The following AP3B2 variants were observed in gnomAD, a reference collection of about 807,000 sequenced individuals.
The protein encoded by AP3B2 is adaptor related protein complex 3 subunit beta 2.
A neutral mutation model predicts 126.9 loss-of-function variants in AP3B2; 50 were observed. The observed-to-expected ratio is 0.39, with a 90% CI of 0.31 to 0.50. The LOEUF is 0.50. AP3B2 is among the 20% of genes least tolerant of loss of function. The pLI, the probability that AP3B2 is intolerant of heterozygous loss-of-function variation, is 0.79. For synonymous variants in AP3B2, 541 were observed against 565.0 expected (o/e 0.96, Z 0.60); for missense variants, 1,177 against 1,426.4 (o/e 0.83, Z 2.82).
chr15:82,674,135 G>C (rs1440662035), intron 14 of AP3B2, among the ~76,000 whole-genome samples: 8 of 152,216 alleles, frequency 5.3e-5, no homozygotes. Context: ...GCCAGGATCT[G>C]GCATGCCGTG....
chr15:82,680,673 G>A lies in AP3B2; in HGVS notation c.854C>T (p.Thr285Met). The A allele has an allele frequency of 6.3e-7, 1 of 1,578,518 alleles. No homozygotes were observed. Among genetic ancestry groups the A allele is most frequent in the Non-Finnish European group, 8.6e-7 (1 of 1,167,194 alleles). The change falls in exon 8 of 27, where the codon ACG becomes ATG. Residue 285 changes from threonine to methionine, a missense_variant. This residue lies in a region of AP3B2 where 103 missense variants were observed against 101.4 expected (regional missense o/e 1.02). Transcript: ENST00000535359. This position sits in a 1 kb window ranked among gnomAD's most constrained non-coding sequence, Gnocchi z 6.1. ...DEAKGAGSEE[T>M]AAAAAPSRKP... Reference sequence around the variant, plus strand: ...TCGGGAGGGGGCGGCCGCGGCGGCCGTCTCCTCAGACCCCGCGCCCTTGGC... The same window carrying A: ...TCGGGAGGGGGCGGCCGCGGCGGCCATCTCCTCAGACCCCGCGCCCTTGGC...
Position 82,679,803 on chromosome 15 carries a change from G to A in AP3B2, c.1111-3C>T. ...TTCAGGTAGGGCTCAAACATACCCT[G>A]GCACAAGAGAGGCAGCTAGGGAGCT... On this transcript the variant is annotated splice_region_variant and splice_polypyrimidine_tract_variant and intron_variant, in intron 9 of 26. Transcript: ENST00000535359. 6.2e-7 allele frequency: 1 copy of A among 1,613,766 alleles called. No individual in the cohort carries two copies. Among genetic ancestry groups the A allele is most frequent in the Non-Finnish European group, 8.5e-7 (1 of 1,179,732 alleles).
intron 14 of AP3B2, among the ~76,000 whole-genome samples, chr15:82,667,859 C>T (rs573734297): frequency 1.3e-5 from 2 of 152,318 alleles, no homozygotes; most frequent in East Asian, 3.9e-4. Flanking sequence ...CATCTGCTTC[C>T]CTTCACTGCC....
chr15:82,659,472 G>C lies in AP3B2; in HGVS notation c.*88C>G. 2 of 1,519,356 alleles carry C rather than the reference G, an allele frequency of 1.3e-6. No homozygotes were observed. Among genetic ancestry groups the C allele is most frequent in the African/African-American group, 2.7e-5 (2 of 73,436 alleles). The allele number at this position is 1,519,356 out of a possible 1,614,324, so 94.1% of individuals were successfully genotyped here. A position where few individuals can be genotyped will look rare whatever the true frequency, so the allele number is the denominator to read the frequency against. On this transcript the variant is annotated 3_prime_UTR_variant, in exon 27 of 27. Transcript: ENST00000535359. ...CTATCTGGCATGAGGAGGATGATGA[G>C]AGAGAGAGAGAAAGATGAGAGAGAC...
intron 4 of AP3B2, 33 bp downstream of exon 4, chr15:82,688,703 C>G (rs2048473642): frequency 6.3e-7 from 1 of 1,576,576 alleles, no homozygotes; most frequent in South Asian, 1.2e-5. Flanking sequence ...CCAACGAGGC[C>G]CAGGCCCTGG....
intron 1 of AP3B2, among the ~76,000 whole-genome samples, chr15:82,700,397 C>CTTTTTTTTTGTTTTTTTT (rs2048700379): frequency 2.9e-5 from 1 of 35,086 alleles, no homozygotes; most frequent in Non-Finnish European, 5.1e-5. Context: ...TGGTGGGTGG[C>CTTTTTTTTTGTTTTTTTT]TTTTTTTTTT....
intron 1 of AP3B2, among the ~76,000 whole-genome samples, chr15:82,696,127 C>G (rs1024047347): frequency 1.3e-5 from 2 of 152,106 alleles, no homozygotes; most frequent in African/African-American, 4.8e-5. Flanking sequence ...GATTAGGGCC[C>G]CCCTTAATAA....
Position 82,680,461 on chromosome 15 carries a change from G to C in AP3B2, c.1055+11C>G. 2.0e-6 allele frequency: 3 copies of C among 1,477,840 alleles called. No individual in the cohort carries two copies. Among genetic ancestry groups the C allele is most frequent in the Non-Finnish European group, 1.8e-6 (2 of 1,116,808 alleles). 91.5% of individuals were successfully genotyped at this position (1,477,840 alleles called of 1,614,324 possible). On this transcript the variant is annotated intron_variant, in intron 8 of 26. Transcript: ENST00000535359. The surrounding 1 kb of genome is among the most constrained non-coding windows in gnomAD (Gnocchi z 6.1). ...GGCGAGGGAGGGGGCGGGGCTGGGG[G>C]CGGAGCGCACCTGTGGCTGCGCAGC...
In AP3B2 at chr15:82,709,582, G is replaced by T. The variant is rs761667010; in HGVS notation, c.113+12C>A. The T allele has an allele frequency of 6.7e-7, 1 of 1,486,318 alleles. No individual in the cohort carries two copies. Among genetic ancestry groups the T allele is most frequent in the South Asian group, 1.3e-5 (1 of 79,072 alleles). 92.1% of individuals were successfully genotyped at this position (1,486,318 alleles called of 1,614,324 possible). A position where few individuals can be genotyped will look rare whatever the true frequency, so the allele number is the denominator to read the frequency against. ...CCAACCCTCCCGCGAGCTTCCTGGC[G>T]GGCTCCCTCACCGCTTGTAGTCGGA... On this transcript the variant is annotated intron_variant, in intron 1 of 26. Coordinates refer to ENST00000535359, the MANE Select transcript of AP3B2 (RefSeq NM_001278512.2).
intron 1 of AP3B2, 189 bp from the exon 2 acceptor site, chr15:82,689,642 T>C (rs1050933050): frequency 8.3e-6 from 5 of 600,294 alleles, no homozygotes; most frequent in Admixed American, 5.9e-5. Context: ...GCTAATATTG[T>C]GGGTTGAACT....
chr15:82,661,721 C>G, intron 25 of AP3B2, 104 bp downstream of exon 25: 2 of 927,818 alleles, frequency 2.2e-6, no homozygotes, highest in Non-Finnish European at 3.3e-6. Flanking sequence ...TTGCTGACCC[C>G]TGGTCTAGAT....
At position 82,661,832 on chromosome 15, in the gene AP3B2, C is replaced by T. The variant is rs184007787; in HGVS notation, c.3009G>A (p.Lys1003=). The change falls in exon 25 of 27, where the codon AAG becomes AAA. Residue 1003 remains lysine, a synonymous_variant. Transcript: ENST00000535359. Reference sequence around the variant, plus strand: ...CTCCCAGGGAGCACTCACCCTGTTCCTTCTTAAACTCATTTTCACTCATGA... The same window carrying T: ...CTCCCAGGGAGCACTCACCCTGTTCTTTCTTAAACTCATTTTCACTCATGA... The part of the protein sequence containing the change: ...PVFMSENEFK[K]EQGKLMGMNE... 3.9e-3 allele frequency: 6,263 copies of T among 1,612,566 alleles called. 23 individuals carry two copies. The highest frequency in any genetic ancestry group is 0.01 in the Middle Eastern group (61 of 6,060).
intron 25 of AP3B2, among the ~76,000 whole-genome samples, chr15:82,660,237 C>T (rs756553230): frequency 3.9e-5 from 6 of 152,162 alleles, no homozygotes; most frequent in Non-Finnish European, 8.8e-5. Flanking sequence ...ACTGATTTGG[C>T]GCTTCCTCCA....
intron 14 of AP3B2, among the ~76,000 whole-genome samples, chr15:82,669,865 G>A (rs1283863538): frequency 1.3e-5 from 2 of 150,242 alleles, no homozygotes; most frequent in Non-Finnish European, 3.0e-5. Context: ...GCTGGGCATG[G>A]TGGTGCATGC....
rs2048045701 is a variant in AP3B2 at position 82,665,656 on chromosome 15, GT to G, written c.1853-82del. 1 of 1,185,022 alleles carries G rather than the reference GT, an allele frequency of 8.4e-7. No individual in the cohort carries two copies. Among genetic ancestry groups the G allele is most frequent in the Non-Finnish European group, 1.2e-6 (1 of 807,090 alleles). The allele number at this position is 1,185,022 out of a possible 1,614,324, so 73.4% of individuals were successfully genotyped here. A position where few individuals can be genotyped will look rare whatever the true frequency, so the allele number is the denominator to read the frequency against. On this transcript the variant is annotated intron_variant, in intron 15 of 26. Coordinates refer to ENST00000535359, the MANE Select transcript of AP3B2 (RefSeq NM_001278512.2). This position sits in a 1 kb window ranked among gnomAD's most constrained non-coding sequence, Gnocchi z 4.4. The stretch of plus-strand genomic sequence containing the variant: ...GCTGTTTTCCAGGTGGGGCTGGGTG[GT>G]GATTCTGGTTGGGACTTCCCAGGTG...
chr15:82,665,661 T>G lies in AP3B2; in HGVS notation c.1853-86A>C. 1 of 1,094,362 alleles carries G rather than the reference T, an allele frequency of 9.1e-7. No individual in the cohort carries two copies. The highest frequency in any genetic ancestry group is 1.9e-5 in the Admixed American group (1 of 53,824). The allele number at this position is 1,094,362 out of a possible 1,614,324, so 67.8% of individuals were successfully genotyped here. A position where few individuals can be genotyped will look rare whatever the true frequency, so the allele number is the denominator to read the frequency against. On this transcript the variant is annotated intron_variant, in intron 15 of 26. Transcript: ENST00000535359. The surrounding 1 kb of genome is among the most constrained non-coding windows in gnomAD (Gnocchi z 4.4). ...TTTCCAGGTGGGGCTGGGTGGTGAT[T>G]CTGGTTGGGACTTCCCAGGTGGGTA...
intron 11 of AP3B2, 151 bp from the exon 12 acceptor site, chr15:82,677,954 C>T: frequency 7.4e-7 from 1 of 1,350,214 alleles, no homozygotes; most frequent in Non-Finnish European, 1.0e-6. Flanking sequence ...CCAGTGATTC[C>T]TTGGCCCAAA....
chr15:82,705,931 C>T (rs1038855475), intron 1 of AP3B2, among the ~76,000 whole-genome samples: 1 of 152,190 alleles, frequency 6.6e-6, no homozygotes, highest in East Asian at 1.9e-4. Flanking sequence ...TTAAAAACAG[C>T]CGTAGAAGCT....
rs1348711007 is a variant in AP3B2, at chr15:82,691,805, G to T, written c.114-2352C>A. The T allele has an allele frequency of 5.5e-6, 8 of 1,462,390 alleles. No individual in the cohort carries two copies. In the Admixed American group the frequency reaches 1.2e-4, roughly 22 times the overall value. The allele number at this position is 1,462,390 out of a possible 1,614,324, so 90.6% of individuals were successfully genotyped here. A position where few individuals can be genotyped will look rare whatever the true frequency, so the allele number is the denominator to read the frequency against. On this transcript the variant is annotated intron_variant, in intron 1 of 26. Coordinates refer to ENST00000535359, the MANE Select transcript of AP3B2 (RefSeq NM_001278512.2). ...GTCACGGCCCCTTGACCCAAACCGA[G>T]ACTGTGAGTAGCCATAGCTGGTGCT...
Sources: allele counts gnomAD v4.1 joint callset (sites outside exome capture counted in the v4.1 genomes callset), GRCh38; gene constraint gnomAD v4.1.1; regional missense constraint gnomAD v4.1.1; non-coding constraint Gnocchi (gnomAD v3.1); transcripts MANE v1.5; gene names NCBI Gene and HGNC (gene_info 2026-07-23, HGNC 2026-07-21).